The following SGIP1 variants were observed in gnomAD, a reference collection of about 807,000 sequenced individuals.
The protein encoded by SGIP1 is SH3GL interacting endocytic adaptor 1, also known as SH3-containing GRB2-like protein 3-interacting protein 1.
SGIP1 carries 38 observed loss-of-function variants against 107.5 expected under a neutral mutation model. That is an observed-to-expected ratio of 0.35 (90% CI 0.27 to 0.46). SGIP1 has a LOEUF of 0.46. Ranked by LOEUF, SGIP1 falls within the 20% of genes least tolerant of loss-of-function variation. The probability of loss-of-function intolerance (pLI) is 1.00; values close to 1 mark genes in which losing one functional copy is unlikely to be tolerated. For synonymous variants in SGIP1, 365 were observed against 366.1 expected, an observed-to-expected ratio of 1.00 and a Z score of 0.03; for missense variants, 929 against 1,019.5, an observed-to-expected ratio of 0.91 and a Z score of 1.21.
At chr1:66,622,100 C>T (rs770151456) in intron 1 of SGIP1, among the ~76,000 whole-genome samples, 3 of 152,114 alleles carry the variant, frequency 2.0e-5, no homozygotes, top group Non-Finnish European at 2.9e-5. Flanking sequence ...AATGAAACCA[C>T]GTGAGTGGAT....
intron 1 of SGIP1, among the ~76,000 whole-genome samples, chr1:66,607,220 A>G (rs568820651): frequency 1.7e-4 from 26 of 152,352 alleles, no homozygotes; most frequent in African/African-American, 6.0e-4. Flanking sequence ...TCACTCTCTC[A>G]TATTTCAAAA....
At chr1:66,540,817 T>C (rs1397071433) in intron 1 of SGIP1, among the ~76,000 whole-genome samples, 3 of 152,036 alleles carry the variant, frequency 2.0e-5, no homozygotes, top group Admixed American at 6.6e-5. Flanking sequence ...CTGTATGCCA[T>C]GAGAAAGTTA....
At chr1:66,588,732 A>G (rs1019365757) in intron 1 of SGIP1, among the ~76,000 whole-genome samples, 4 of 136,216 alleles carry the variant, frequency 2.9e-5, no homozygotes, top group African/African-American at 5.6e-5. Context: ...ACGGTGTCCT[A>G]TTTTCATTCT....
chr1:66,742,825 A>G (rs1038246018), intron 24 of SGIP1, among the ~76,000 whole-genome samples: 5 of 152,020 alleles, frequency 3.3e-5, no homozygotes, highest in Admixed American at 2.0e-4. Flanking sequence ...AAATCTCCCA[A>G]TCTATTCTGG....
chr1:66,719,253 T>C (rs1349253791), intron 18 of SGIP1, 41 bp from the exon 19 acceptor site: 3 of 1,360,598 alleles, frequency 2.2e-6, no homozygotes, highest in Admixed American at 1.9e-5. Flanking sequence ...CTAAAGTGTC[T>C]CCTATTTTCA....
chr1:66,749,824 A>T lies in SGIP1; in HGVS notation c.*6729A>T, dbSNP rs1231250227. 2.0e-5 allele frequency among the ~76,000 whole-genome samples: 3 copies of T among 152,136 alleles called. No homozygotes were observed. On this transcript the variant is annotated 3_prime_UTR_variant, in exon 25 of 25. Coordinates refer to ENST00000371037, the MANE Select transcript of SGIP1 (RefSeq NM_032291.4). ...TCTAAGGTATTTTAAATCATACAAC[A>T]AGTAACTATCACAAGAACCACTGTC...
chr1:66,700,348 G>C (rs904341075), intron 18 of SGIP1, among the ~76,000 whole-genome samples: 16 of 143,188 alleles, frequency 1.1e-4, no homozygotes, highest in Non-Finnish European at 2.0e-4. Flanking sequence ...TCCAGCCTGG[G>C]TGACAGGGTG....
Position 66,546,636 on chromosome 1 carries a change from C to T in SGIP1, c.10+12268C>T, listed in dbSNP as rs1356040151. 2.0e-5 allele frequency among the ~76,000 whole-genome samples: 3 copies of T among 152,146 alleles called. No individual in the cohort carries two copies. In the East Asian group the frequency reaches 5.8e-4, roughly 29 times the overall value. ...TGTGGTACGGTATGACTTCTTGGCTCCTATTTAGTAAGTTACCCTGATGAG... is the reference window on the plus strand; with the variant it reads ...TGTGGTACGGTATGACTTCTTGGCTTCTATTTAGTAAGTTACCCTGATGAG... On this transcript the variant is annotated intron_variant, in intron 1 of 24. Transcript: ENST00000371037.
At chr1:66,624,273 T>C (rs995553277) in intron 1 of SGIP1, among the ~76,000 whole-genome samples, 10 of 152,186 alleles carry the variant, frequency 6.6e-5, no homozygotes, top group Admixed American at 5.2e-4. Flanking sequence ...GTAACTATGA[T>C]ACTTTGTCCT....
intron 1 of SGIP1, among the ~76,000 whole-genome samples, chr1:66,619,856 G>A (rs1331636045): frequency 6.6e-6 from 1 of 152,120 alleles, no homozygotes; most frequent in Non-Finnish European, 1.5e-5. Flanking sequence ...GTCTTCATTT[G>A]TATGGAGAAA....
At chr1:66,624,562 G>C (rs139219180) in intron 1 of SGIP1, among the ~76,000 whole-genome samples, 8 of 152,272 alleles carry the variant, frequency 5.3e-5, no homozygotes, top group African/African-American at 1.9e-4. Context: ...TATTTGAGTA[G>C]TATCCTAAGA....
chr1:66,684,071 C>A, intron 15 of SGIP1: 1 of 1,549,530 alleles, frequency 6.5e-7, no homozygotes, highest in Non-Finnish European at 8.7e-7. Context: ...ACAACACCAC[C>A]CTGTGGTAGA....
At chr1:66,739,113 G>C (rs1027725813) in intron 21 of SGIP1, among the ~76,000 whole-genome samples, 1 of 151,876 alleles carries the variant, frequency 6.6e-6, no homozygotes. Context: ...CTGACACGAA[G>C]TGTACTGAAA....
At chr1:66,594,566 G>T (rs1415049335) in intron 1 of SGIP1, among the ~76,000 whole-genome samples, 2 of 152,168 alleles carry the variant, frequency 1.3e-5, no homozygotes, top group African/African-American at 4.8e-5. Context: ...GGTTTTGCCA[G>T]TGCTCAGTGA....
Position 66,743,223 on chromosome 1 carries a change from A to T in SGIP1, c.*128A>T. On this transcript the variant is annotated 3_prime_UTR_variant, in exon 25 of 25. Transcript: ENST00000371037. ...TTGGGATATATCAGGTGGAAAGTCA[A>T]TGACTTTCATCTGTGATTTCCCTCA... The T allele has an allele frequency of 5.8e-6, 5 of 865,330 alleles. No homozygotes were observed. Among genetic ancestry groups the T allele is most frequent in the Non-Finnish European group, 9.2e-6 (5 of 546,352 alleles). The allele number at this position is 865,330 out of a possible 1,614,324, so 53.6% of individuals were successfully genotyped here.
intron 2 of SGIP1, among the ~76,000 whole-genome samples, chr1:66,631,324 G>T (rs78916706): frequency 7.2e-5 from 11 of 152,174 alleles, no homozygotes; most frequent in African/African-American, 2.4e-4. Context: ...AAGCACTTTT[G>T]TTGGCCAAGA....
intron 18 of SGIP1, among the ~76,000 whole-genome samples, chr1:66,718,476 A>G (rs1388420864): frequency 2.6e-5 from 4 of 152,116 alleles, no homozygotes; most frequent in Non-Finnish European, 4.4e-5. Context: ...TTGTTTTGCC[A>G]TTTAACTAAC....
chr1:66,664,138 A>C (rs190633411), intron 8 of SGIP1, among the ~76,000 whole-genome samples: 3 of 152,212 alleles, frequency 2.0e-5, no homozygotes, highest in African/African-American at 7.2e-5. Flanking sequence ...TCACTAAAGA[A>C]TAATAAAGTC....
intron 7 of SGIP1, among the ~76,000 whole-genome samples, chr1:66,655,980 T>C (rs7521123): frequency 0.64 from 98,060 of 152,060 alleles, 32,538 homozygotes; most frequent in East Asian, 1. Context: ...TAACATTTAA[T>C]GCAAAAACAT....
Sources: gnomAD v4.1 joint callset for allele counts (sites outside exome capture counted in the v4.1 genomes callset) on GRCh38, gnomAD v4.1.1 for gene constraint, MANE v1.5 for transcripts, NCBI Gene and HGNC (gene_info 2026-07-23, HGNC 2026-07-21) for gene names.